GNG7: variants seen among roughly 807,000 people sequenced by gnomAD.
GNG7 encodes the protein G protein subunit gamma 7.
In GNG7, 1 loss-of-function variant was observed where a neutral mutation model predicts 4.0. That is an observed-to-expected ratio of 0.25 (90% CI 0.09 to 1.18). GNG7 has a LOEUF of 1.18. GNG7 is among the 50% of genes most tolerant of loss of function. The pLI is 0.50. For synonymous variants in GNG7, 34 were observed against 36.9 expected, an observed-to-expected ratio of 0.92 and a Z score of 0.29; for missense variants, 86 against 91.9, an observed-to-expected ratio of 0.94 and a Z score of 0.26.
rs536314936 is a variant in GNG7 at position 2,657,785 on chromosome 19, C to T, written c.-134-11505G>A. On this transcript the variant is annotated intron_variant, in intron 1 of 4. Coordinates refer to ENST00000382159, the MANE Select transcript of GNG7 (RefSeq NM_052847.3). The stretch of plus-strand genomic sequence containing the variant: ...TATGGGCAGCAGGCAACCTAGGTAC[C>T]GAGGCAAGAGACTGAGGGCACGAGC... Among the ~76,000 whole-genome samples, 4 of 152,172 alleles carry T rather than the reference C, an allele frequency of 2.6e-5. No individual in the cohort carries two copies. The South Asian group carries it at 6.2e-4, about 24-fold the overall frequency.
At chr19:2,658,285 G>A in intron 1 of GNG7, among the ~76,000 whole-genome samples, 1 of 152,096 alleles carries the variant, frequency 6.6e-6, no homozygotes, top group African/African-American at 2.4e-5. Flanking sequence ...TTTCTGCAAA[G>A]GGACAAAAAG....
intron 2 of GNG7, among the ~76,000 whole-genome samples, chr19:2,606,196 T>C (rs944302181): frequency 1.3e-5 from 2 of 151,292 alleles, no homozygotes; most frequent in Non-Finnish European, 3.0e-5. Flanking sequence ...CTGGGCAACA[T>C]AGTGAGATCC....
rs113652031 is a variant in GNG7 at position 2,636,387 on chromosome 19, C to G, written c.-78+9837G>C. Reference sequence around the variant, plus strand: ...CCCCAGGTCCACAGCCAGTTCTCACCCTGAGGAGCATGACATCTGGGAGGG... The same window carrying G: ...CCCCAGGTCCACAGCCAGTTCTCACGCTGAGGAGCATGACATCTGGGAGGG... On this transcript the variant is annotated intron_variant, in intron 2 of 4. Coordinates refer to ENST00000382159, the MANE Select transcript of GNG7 (RefSeq NM_052847.3). Among the ~76,000 whole-genome samples the G allele has an allele frequency of 5.7e-3, 873 of 152,250 alleles. 9 individuals carry two copies. The highest frequency in any genetic ancestry group is 0.02 in the African/African-American group (825 of 41,522).
chr19:2,530,934 C>G (rs1203228900), intron 3 of GNG7, among the ~76,000 whole-genome samples: 1 of 152,064 alleles, frequency 6.6e-6, no homozygotes, highest in Non-Finnish European at 1.5e-5. Flanking sequence ...AAATTGAGGT[C>G]CAGGGTTTCC....
chr19:2,697,432 C>T (rs896271820), intron 1 of GNG7, among the ~76,000 whole-genome samples: 2 of 152,144 alleles, frequency 1.3e-5, no homozygotes, highest in East Asian at 1.9e-4. Flanking sequence ...CCTCGGGGGC[C>T]GCTGTGTGAC....
chr19:2,525,970 A>ATTTTTTTTTTTTTTTTT (rs1568231777), intron 3 of GNG7, among the ~76,000 whole-genome samples: 9 of 26,782 alleles, frequency 3.4e-4, no homozygotes, highest in African/African-American at 2.3e-3. Context: ...CCTCCACGCC[A>ATTTTTTTTTTTTTTTTT]ATTTTTTTTT....
chr19:2,519,075 C>T (rs989465574), intron 4 of GNG7, among the ~76,000 whole-genome samples: 2 of 147,246 alleles, frequency 1.4e-5, no homozygotes, highest in African/African-American at 2.5e-5. Context: ...CGATTCCAGG[C>T]GTGAGTCACC....
Position 2,546,255 on chromosome 19 carries a change from C to T in GNG7, c.-38+8894G>A, listed in dbSNP as rs900079610. ...CAGAACCCCAGGGCCCCCTCAGCAA[C>T]CAGGGTCTGCATGCAGAGACCCTGC... On this transcript the variant is annotated intron_variant, in intron 3 of 4. Transcript: ENST00000382159. The surrounding 1 kb of genome is among the most constrained non-coding windows in gnomAD (Gnocchi z 6.3). 3.0e-4 allele frequency among the ~76,000 whole-genome samples: 45 copies of T among 152,234 alleles called. No homozygotes were observed. The highest frequency in any genetic ancestry group is 1.0e-3 in the African/African-American group (42 of 41,468).
chr19:2,577,901 G>T (rs1038846414), intron 2 of GNG7, among the ~76,000 whole-genome samples: 3 of 149,320 alleles, frequency 2.0e-5, no homozygotes, highest in African/African-American at 5.0e-5. Flanking sequence ...ATGCAATGGC[G>T]CAATCACAGC....
intron 2 of GNG7, among the ~76,000 whole-genome samples, chr19:2,627,963 G>A (rs1021261794): frequency 2.6e-5 from 4 of 152,246 alleles, no homozygotes; most frequent in African/African-American, 7.2e-5. Context: ...TGAAGGAGGT[G>A]ACGGTCCGGC....
rs1280998345 is a variant in GNG7 at position 2,680,155 on chromosome 19, T to C, written c.-135+22491A>G. ...GTAAGACCTTGTCTCTTTTTTTTTT[T>C]TTTTTTTTTTGAGACAGAGTCTCGC... is the stretch of plus-strand genomic sequence containing the variant. On this transcript the variant is annotated intron_variant, in intron 1 of 4. Transcript: ENST00000382159. 2.0e-5 allele frequency among the ~76,000 whole-genome samples: 3 copies of C among 149,072 alleles called. No homozygotes were observed. In the East Asian group the frequency reaches 5.8e-4, roughly 29 times the overall value.
intron 2 of GNG7, among the ~76,000 whole-genome samples, chr19:2,641,652 A>T (rs1028549271): frequency 2.0e-5 from 3 of 151,060 alleles, no homozygotes; most frequent in Non-Finnish European, 4.4e-5. Flanking sequence ...CCTATGTTAG[A>T]CTTCTTTTTT....
intron 2 of GNG7, among the ~76,000 whole-genome samples, chr19:2,641,674 C>A (rs981068899): frequency 1.3e-5 from 2 of 150,978 alleles, no homozygotes; most frequent in African/African-American, 2.4e-5. Flanking sequence ...TTTATTTTTT[C>A]TTTTTTTGAG....
Position 2,527,088 on chromosome 19 carries a change from C to T in GNG7, c.-37-6363G>A, listed in dbSNP as rs538103049. On this transcript the variant is annotated intron_variant, in intron 3 of 4. Coordinates refer to ENST00000382159, the MANE Select transcript of GNG7 (RefSeq NM_052847.3). ...CTCAAACTCCTGACCTAGTGATCCACCCGCCTCAGCCTCCCAAAGTGCTGG... is the reference window on the plus strand; with the variant it reads ...CTCAAACTCCTGACCTAGTGATCCATCCGCCTCAGCCTCCCAAAGTGCTGG... Among the ~76,000 whole-genome samples, 3 of 152,330 alleles carry T rather than the reference C, an allele frequency of 2.0e-5. No individual in the cohort carries two copies. In the East Asian group the frequency reaches 5.8e-4, roughly 29 times the overall value.
At chr19:2,652,096 A>G (rs1477028321) in intron 1 of GNG7, among the ~76,000 whole-genome samples, 3 of 151,006 alleles carry the variant, frequency 2.0e-5, no homozygotes, top group Non-Finnish European at 4.4e-5. Context: ...AATCGCTTGA[A>G]CCCGGGAGAC....
chr19:2,664,470 C>A (rs372060943), intron 1 of GNG7, among the ~76,000 whole-genome samples: 2 of 152,124 alleles, frequency 1.3e-5, no homozygotes, highest in East Asian at 3.9e-4. Flanking sequence ...CCGGGCGTGA[C>A]CTGGAACAGG....
intron 1 of GNG7, among the ~76,000 whole-genome samples, chr19:2,659,836 G>A (rs1399998945): frequency 5.3e-5 from 8 of 152,080 alleles, no homozygotes; most frequent in Admixed American, 3.3e-4. Context: ...AACATGATCC[G>A]TAAGCACTGA....
chr19:2,557,823 G>A lies in GNG7; in HGVS notation c.-77-2635C>T, dbSNP rs1282985410. Among the ~76,000 whole-genome samples the A allele has an allele frequency of 6.6e-6, 1 of 152,014 alleles. No homozygotes were observed. The highest frequency in any genetic ancestry group is 2.4e-5 in the African/African-American group (1 of 41,380). The stretch of plus-strand genomic sequence containing the variant: ...GCTCCTTATTCTGATGGGGTGACTC[G>A]GTGCATTTCTCTCTCAGGCTTACTT... On this transcript the variant is annotated intron_variant, in intron 2 of 4. Transcript: ENST00000382159. This position sits in a 1 kb window ranked among gnomAD's most constrained non-coding sequence, Gnocchi z 5.1.
intron 2 of GNG7, among the ~76,000 whole-genome samples, chr19:2,615,201 G>A (rs137909773): frequency 0.012 from 1,781 of 150,140 alleles, 34 homozygotes; most frequent in African/African-American, 0.036. Context: ...TCGCTCTGTC[G>A]CCCAGGCTGG....
Sources: gnomAD v4.1 joint callset for allele counts (sites outside exome capture counted in the v4.1 genomes callset) on GRCh38, gnomAD v4.1.1 for gene constraint, Gnocchi (gnomAD v3.1) non-coding constraint, MANE v1.5 for transcripts, NCBI Gene and HGNC (gene_info 2026-07-23, HGNC 2026-07-21) for gene names.